BRWD1: variants seen among roughly 807,000 people sequenced by gnomAD.
The protein encoded by BRWD1 is bromodomain and WD repeat domain containing 1, also known as bromodomain and WD repeat-containing protein 1.
In BRWD1, 82 loss-of-function variants were observed where a neutral mutation model predicts 251.2. That is an observed-to-expected ratio of 0.33 (90% CI 0.27 to 0.39). BRWD1 has a LOEUF of 0.39. Ranked by LOEUF, BRWD1 falls within the 10% of genes least tolerant of loss-of-function variation. The pLI, the probability that BRWD1 is intolerant of heterozygous loss-of-function variation, is 1.00. For synonymous variants in BRWD1, 918 were observed against 902.8 expected (o/e 1.02, Z -0.30); for missense variants, 2,233 against 2,711.6 (o/e 0.82, Z 3.92).
intron 31 of BRWD1, chr21:39,216,795 AACTTTT>A: frequency 3.4e-6 from 1 of 294,656 alleles, no homozygotes; most frequent in Non-Finnish European, 6.6e-6. Flanking sequence ...TATTTTTTTT[AACTTTT>A]AAGTTCAAGG....
chr21:39,199,312 C>G lies in BRWD1; in HGVS notation c.5104G>C (p.Val1702Leu). Reference protein sequence around the residue: ...ELKDENQLLPVSSSHTAQSNV... With the variant: ...ELKDENQLLPLSSSHTAQSNV... ...CTCTGGGCAGTGTGAGAACTGGACACTGGTAATAGTTGATTTTCATCTTTT... is the reference window on the plus strand; with the variant it reads ...CTCTGGGCAGTGTGAGAACTGGACAGTGGTAATAGTTGATTTTCATCTTTT... Residue 1702 changes from valine (V) to leucine (L), a missense_variant, in exon 40 of 41, where the codon GTG becomes CTG. Around this residue, in one of 12 missense-constraint regions of BRWD1, gnomAD observed 928 missense variants for 970.0 expected, o/e 0.96. Coordinates refer to ENST00000342449, the MANE Select transcript of BRWD1 (RefSeq NM_033656.4). The G allele has an allele frequency of 6.2e-7, 1 of 1,614,182 alleles. No homozygotes were observed. The highest frequency in any genetic ancestry group is 8.5e-7 in the Non-Finnish European group (1 of 1,180,024).
In BRWD1 at chr21:39,269,980, A is replaced by C; in HGVS notation, c.1449T>G (p.Ile483Met). The change falls in exon 15 of 41, where the codon ATT (isoleucine) becomes ATG (methionine). Residue 483 changes from isoleucine (I) to methionine (M), a missense_variant. Coordinates refer to ENST00000342449, the MANE Select transcript of BRWD1 (RefSeq NM_033656.4). ...VLETHPFDSR[I>M]MLSAGHDGSI... ...TGCCATCATGTCCTGCAGATAACAT[A>C]ATTCTGGAATCAAAGGGATGTGTCT... 1.3e-6 allele frequency: 2 copies of C among 1,595,678 alleles called. No individual in the cohort carries two copies. The highest frequency in any genetic ancestry group is 2.3e-5 in the South Asian group (2 of 87,746).
intron 23 of BRWD1, chr21:39,235,729 C>A: frequency 5.3e-6 from 1 of 186,940 alleles, no homozygotes; most frequent in South Asian, 1.1e-4. Flanking sequence ...TTACAAAACT[C>A]TAATGCTACT....
At position 39,197,310 on chromosome 21, in the gene BRWD1, G is replaced by C. The variant is rs1365826727; in HGVS notation, c.5759C>G (p.Ala1920Gly). ...SLQVVKKSSK[A>G]RTGLLRITRR... is the part of the protein sequence containing the mutation. ...AGTAATCCTCAGGAGACCTGTTCTG[G>C]CTTTTGATGATTTCTTAACCACCTG... The change falls in exon 41 of 41, where the codon GCC (alanine) becomes GGC (glycine). Residue 1920 changes from alanine to glycine, a missense_variant. Around this residue, in one of 12 missense-constraint regions of BRWD1, gnomAD observed 928 missense variants for 970.0 expected, o/e 0.96. Transcript: ENST00000342449. The C allele has an allele frequency of 6.2e-7, 1 of 1,613,984 alleles. No individual in the cohort carries two copies. The highest frequency in any genetic ancestry group is 1.3e-5 in the African/African-American group (1 of 75,020).
rs776881193 is a variant in BRWD1, at chr21:39,197,144, TTTC to T, written c.5922_5924del (p.Lys1975del). 1 of 1,614,118 alleles carries T rather than the reference TTTC, an allele frequency of 6.2e-7. No homozygotes were observed. Among genetic ancestry groups the T allele is most frequent in the Non-Finnish European group, 8.5e-7 (1 of 1,179,970 alleles). On this transcript the variant is annotated inframe_deletion, in exon 41 of 41. Coordinates refer to ENST00000342449, the MANE Select transcript of BRWD1 (RefSeq NM_033656.4). ...GTACACTTCCTTCACAATCACTCAA[TTTC>T]TTCTTAGCTGTAGTACAAGCAAGAT...
At chr21:39,298,022 C>A (rs774374227) in intron 5 of BRWD1, 15 of 986,110 alleles carry the variant, frequency 1.5e-5, no homozygotes, top group African/African-American at 1.7e-5. Context: ...TTTAGAAAAT[C>A]ACTTCCCTTT....
chr21:39,266,573 T>C (rs754275102), intron 15 of BRWD1, among the ~76,000 whole-genome samples: 6 of 152,194 alleles, frequency 3.9e-5, no homozygotes, highest in Non-Finnish European at 7.4e-5. Flanking sequence ...AGCTTTTCTA[T>C]AAATACTTGC....
intron 36 of BRWD1, among the ~76,000 whole-genome samples, chr21:39,207,347 A>G (rs1269025884): frequency 6.6e-6 from 1 of 151,686 alleles, no homozygotes; most frequent in Non-Finnish European, 1.5e-5. Context: ...AAGCAGGCAA[A>G]TTGCTCAGGA....
At chr21:39,200,476 A>C in intron 38 of BRWD1, 90 bp from the exon 39 acceptor site, 1 of 1,053,076 alleles carries the variant, frequency 9.5e-7, no homozygotes, top group Non-Finnish European at 1.3e-6. Flanking sequence ...TGAACATTAC[A>C]TAACATTACT....
At chr21:39,273,704 G>A (rs952732420) in intron 13 of BRWD1, among the ~76,000 whole-genome samples, 1 of 152,220 alleles carries the variant, frequency 6.6e-6, no homozygotes, top group South Asian at 2.1e-4. Flanking sequence ...AGTGAGTCAC[G>A]ATCATACCAC....
At position 39,191,445 on chromosome 21, in the gene BRWD1, A is replaced by G. The variant is rs1209756429; in HGVS notation, c.*4814T>C. 1.0e-6 allele frequency: 1 copy of G among 983,710 alleles called. No homozygotes were observed. The allele number at this position is 983,710 out of a possible 1,614,324, so 60.9% of individuals were successfully genotyped here. A position where few individuals can be genotyped will look rare whatever the true frequency, so the allele number is the denominator to read the frequency against. On this transcript the variant is annotated 3_prime_UTR_variant, in exon 41 of 41. Transcript: ENST00000342449. ...TTTTGCTTGTTAAGATGAAAATGCT[A>G]AATTTATTATATCCCATTTAAGAAC...
chr21:39,227,907 T>C (rs983229418), intron 27 of BRWD1, among the ~76,000 whole-genome samples: 4 of 152,204 alleles, frequency 2.6e-5, no homozygotes, highest in African/African-American at 9.7e-5. Context: ...GAAGTAAGTC[T>C]ACCCTAGCCT....
chr21:39,193,504 G>C lies in BRWD1; in HGVS notation c.*2755C>G. On this transcript the variant is annotated 3_prime_UTR_variant, in exon 41 of 41. Coordinates refer to ENST00000342449, the MANE Select transcript of BRWD1 (RefSeq NM_033656.4). Reference sequence around the variant, plus strand: ...TTTTCCTTTATATGCTTGGTAAAGTGAGTCTTTCCAAGAAAGCAAAAATCA... The same window carrying C: ...TTTTCCTTTATATGCTTGGTAAAGTCAGTCTTTCCAAGAAAGCAAAAATCA... 1 of 985,208 alleles carries C rather than the reference G, an allele frequency of 1.0e-6. No homozygotes were observed. Among genetic ancestry groups the C allele is most frequent in the South Asian group, 4.7e-5 (1 of 21,276 alleles). 61.0% of individuals were successfully genotyped at this position (985,208 alleles called of 1,614,324 possible). A position where few individuals can be genotyped will look rare whatever the true frequency, so the allele number is the denominator to read the frequency against.
Position 39,198,746 on chromosome 21 carries a change from T to C in BRWD1, c.5653+17A>G, listed in dbSNP as rs775284088. 1.3e-6 allele frequency: 2 copies of C among 1,549,292 alleles called. No individual in the cohort carries two copies. Among genetic ancestry groups the C allele is most frequent in the Non-Finnish European group, 1.7e-6 (2 of 1,144,250 alleles). ...GTGAGAGTCAATCAGTGAACAAAGA[T>C]AAATGTTTTGAATTACCTTTCATAA... On this transcript the variant is annotated intron_variant, in intron 40 of 40. Transcript: ENST00000342449.
At chr21:39,232,805 C>T (rs75096283) in intron 23 of BRWD1, among the ~76,000 whole-genome samples, 2,316 of 152,256 alleles carry the variant, frequency 0.015, 58 homozygotes, top group African/African-American at 0.053. Context: ...TACCCATAGC[C>T]TGTTCTGCCA....
chr21:39,308,032 G>A (rs1442481795), intron 4 of BRWD1, among the ~76,000 whole-genome samples: 4 of 152,164 alleles, frequency 2.6e-5, no homozygotes, highest in Non-Finnish European at 5.9e-5. Context: ...GCTCACACCT[G>A]TAAACCAAGG....
At chr21:39,292,626 T>C (rs553962364) in intron 8 of BRWD1, among the ~76,000 whole-genome samples, 1 of 152,202 alleles carries the variant, frequency 6.6e-6, no homozygotes, top group African/African-American at 2.4e-5. Context: ...CTACATCCAA[T>C]AACCAACTTA....
At chr21:39,234,599 C>T (rs1601344629) in intron 23 of BRWD1, among the ~76,000 whole-genome samples, 1 of 152,158 alleles carries the variant, frequency 6.6e-6, no homozygotes, top group East Asian at 1.9e-4. Context: ...TATGAGACCC[C>T]AGAAAACTCA....
intron 40 of BRWD1, 121 bp from the exon 41 acceptor site, chr21:39,197,536 T>C (rs1254164856): frequency 2.7e-6 from 2 of 742,640 alleles, no homozygotes; most frequent in Admixed American, 2.8e-5. Flanking sequence ...GTGAATGGAA[T>C]GGTACACACC....
Sources: allele counts gnomAD v4.1 joint callset (sites outside exome capture counted in the v4.1 genomes callset), GRCh38; gene constraint gnomAD v4.1.1; regional missense constraint gnomAD v4.1.1; transcripts MANE v1.5; gene names NCBI Gene and HGNC (gene_info 2026-07-23, HGNC 2026-07-21).